SGCD: variants seen among roughly 807,000 people sequenced by gnomAD.
SGCD encodes the protein sarcoglycan delta.
A neutral mutation model predicts 36.6 loss-of-function variants in SGCD; 18 were observed. The observed-to-expected ratio is 0.49, with a 90% CI of 0.34 to 0.73. The LOEUF is 0.73. Ranked by LOEUF, SGCD falls within the 30% of genes least tolerant of loss-of-function variation. The pLI is 0.01. For synonymous variants in SGCD, 133 were observed against 130.6 expected, an observed-to-expected ratio of 1.02 and a Z score of -0.12; for missense variants, 387 against 346.7, an observed-to-expected ratio of 1.12 and a Z score of -0.92.
At chr5:156,448,060 C>T (rs1383906470) in intron 3 of SGCD, among the ~76,000 whole-genome samples, 6 of 152,122 alleles carry the variant, frequency 3.9e-5, no homozygotes, top group Non-Finnish European at 8.8e-5. Flanking sequence ...TAGATCTGTA[C>T]TTTTGACTTT....
At chr5:156,051,757 G>T (rs1206374434) in intron 1 of SGCD, among the ~76,000 whole-genome samples, 1 of 145,790 alleles carries the variant, frequency 6.9e-6, no homozygotes, top group Non-Finnish European at 1.5e-5. Flanking sequence ...CAATAGGAAG[G>T]CTTAGGAAGG....
rs570122486 is a variant in SGCD at position 156,006,541 on chromosome 5, C to T, written c.-281-111337C>T. Among the ~76,000 whole-genome samples, 17 of 152,266 alleles carry T rather than the reference C, an allele frequency of 1.1e-4. No homozygotes were observed. In the South Asian group the frequency reaches 3.3e-3, roughly 30 times the overall value. ...AGCCATGCCATGTATCTAATCATTT[C>T]CCATAGCTGAGAGCCGGAAAATATT... On this transcript the variant is annotated intron_variant, in intron 1 of 9. Transcript: ENST00000517913.
At chr5:156,288,149 G>A (rs1581220550) in intron 3 of SGCD, among the ~76,000 whole-genome samples, 1 of 152,264 alleles carries the variant, frequency 6.6e-6, no homozygotes, top group Non-Finnish European at 1.5e-5. Context: ...TTTCATGTCA[G>A]AAAATAGTTT....
At chr5:156,032,016 C>A (rs906248212) in intron 1 of SGCD, among the ~76,000 whole-genome samples, 42 of 152,232 alleles carry the variant, frequency 2.8e-4, no homozygotes, top group African/African-American at 9.6e-4. Flanking sequence ...ACCTATAAAT[C>A]TACAATTCAG....
intron 1 of SGCD, among the ~76,000 whole-genome samples, chr5:155,938,318 G>T (rs186900109): frequency 6.6e-6 from 1 of 152,204 alleles, no homozygotes; most frequent in African/African-American, 2.4e-5. Flanking sequence ...ACAAACTGGG[G>T]TCTGCCCCAG....
At chr5:155,907,885 C>T (rs13169785) in intron 1 of SGCD, among the ~76,000 whole-genome samples, 10,934 of 152,132 alleles carry the variant, frequency 0.072, 516 homozygotes, top group African/African-American at 0.12. Context: ...TGGTAAAATG[C>T]TACCAAACAG....
intron 7 of SGCD, among the ~76,000 whole-genome samples, chr5:156,647,901 A>G (rs1001500575): frequency 2.6e-5 from 4 of 152,170 alleles, no homozygotes; most frequent in African/African-American, 7.2e-5. Context: ...TCTAAATACA[A>G]TACGATGTCT....
chr5:156,604,726 A>T (rs9314007), intron 6 of SGCD, among the ~76,000 whole-genome samples: 2,951 of 110,048 alleles, frequency 0.027, 71 homozygotes, highest in African/African-American at 0.067. Context: ...TATGCACATT[A>T]TATATGTATA....
At chr5:156,461,522 T>C (rs1405623763) in intron 3 of SGCD, among the ~76,000 whole-genome samples, 1 of 152,162 alleles carries the variant, frequency 6.6e-6, no homozygotes, top group Non-Finnish European at 1.5e-5. Flanking sequence ...TATAATTTTC[T>C]TAGGGGGAAA....
chr5:156,327,678 G>A (rs1580824746), intron 1 of SGCD, among the ~76,000 whole-genome samples: 1 of 152,156 alleles, frequency 6.6e-6, no homozygotes, highest in African/African-American at 2.4e-5. Flanking sequence ...GTAGAAAATG[G>A]CTCTCATTTT....
At chr5:156,292,172 CATTGAT>C (rs1263482155) in intron 3 of SGCD, among the ~76,000 whole-genome samples, 1 of 152,080 alleles carries the variant, frequency 6.6e-6, no homozygotes, top group Non-Finnish European at 1.5e-5. Context: ...GTGTACACTT[CATTGAT>C]ATTAAGTACA....
chr5:155,775,686 A>G, the SGCD span, among the ~76,000 whole-genome samples: 10 of 152,154 alleles, frequency 6.6e-5, no homozygotes, highest in Non-Finnish European at 1.2e-4. Flanking sequence ...AAAATGGTCA[A>G]TATGTCCATT....
chr5:156,368,985 A>C (rs967211156), intron 3 of SGCD, among the ~76,000 whole-genome samples: 5 of 152,236 alleles, frequency 3.3e-5, no homozygotes, highest in Non-Finnish European at 5.9e-5. Flanking sequence ...CCCTCGTATC[A>C]AAAAGGTTGG....
At chr5:156,307,305 T>A (rs754024653) in intron 3 of SGCD, among the ~76,000 whole-genome samples, 6 of 152,168 alleles carry the variant, frequency 3.9e-5, no homozygotes, top group Non-Finnish European at 8.8e-5. Context: ...CTTGGCCTCC[T>A]AAAGTGCTGC....
At chr5:155,738,928 TGA>T in the SGCD span, among the ~76,000 whole-genome samples, 35,273 of 151,006 alleles carry the variant, frequency 0.23, 5,087 homozygotes, top group East Asian at 0.38. Flanking sequence ...TGTTTGCGTG[TGA>T]GAGAGTGTGT....
At chr5:156,248,551 G>A (rs1328326567) in intron 3 of SGCD, among the ~76,000 whole-genome samples, 3 of 151,990 alleles carry the variant, frequency 2.0e-5, no homozygotes, top group Admixed American at 2.0e-4. Context: ...GGCTGTCTAA[G>A]TACAGAGAGG....
At chr5:156,002,743 G>A (rs1331661693) in intron 1 of SGCD, among the ~76,000 whole-genome samples, 4 of 152,194 alleles carry the variant, frequency 2.6e-5, no homozygotes, top group Non-Finnish European at 4.4e-5. Context: ...ACTCTGATTC[G>A]ATGGGTCTAC....
At chr5:156,581,622 G>A (rs1760259784) in intron 4 of SGCD, among the ~76,000 whole-genome samples, 1 of 152,178 alleles carries the variant, frequency 6.6e-6, no homozygotes, top group African/African-American at 2.4e-5. Context: ...TCAAGCCTCA[G>A]CAATGGTGGA....
intron 1 of SGCD, among the ~76,000 whole-genome samples, chr5:156,107,778 A>G (rs886467614): frequency 2.0e-5 from 3 of 152,092 alleles, no homozygotes; most frequent in African/African-American, 7.2e-5. Flanking sequence ...ATTTATGTCT[A>G]CTAATGTTTT....
Sources: gnomAD v4.1 joint callset for allele counts (sites outside exome capture counted in the v4.1 genomes callset) on GRCh38, gnomAD v4.1.1 for gene constraint, MANE v1.5 for transcripts, NCBI Gene and HGNC (gene_info 2026-07-23, HGNC 2026-07-21) for gene names.